The following TMPRSS15 variants were observed in gnomAD, a reference collection of about 807,000 sequenced individuals.
TMPRSS15 encodes the protein enteropeptidase.
Under a neutral mutation model 125.3 loss-of-function variants are expected in TMPRSS15, and 128 were observed. That is an observed-to-expected ratio of 1.02 (90% CI 0.89 to 1.18). The LOEUF is 1.18. Ranked by LOEUF, TMPRSS15 falls within the 50% of genes most tolerant of loss-of-function variation. The pLI is 0.00. For synonymous variants in TMPRSS15, 446 were observed against 423.2 expected (o/e 1.05, Z -0.66); for missense variants, 1,283 against 1,212.7 (o/e 1.06, Z -0.86).
chr21:18,413,297 C>CTTTTTTTCTTTTT (rs1381449777), intron 1 of TMPRSS15, among the ~76,000 whole-genome samples: 1 of 90,202 alleles, frequency 1.1e-5, no homozygotes, highest in African/African-American at 4.4e-5. Context: ...TCTTTCTTTT[C>CTTTTTTTCTTTTT]TTTCTTTTCT....
At chr21:18,296,858 T>C (rs2074913695) in intron 19 of TMPRSS15, among the ~76,000 whole-genome samples, 1 of 152,234 alleles carries the variant, frequency 6.6e-6, no homozygotes, top group African/African-American at 2.4e-5. Context: ...CAAAGTTCTT[T>C]TTTTGGTACT....
At chr21:18,421,917 G>A (rs1177975612) in intron 1 of TMPRSS15, among the ~76,000 whole-genome samples, 1 of 151,982 alleles carries the variant, frequency 6.6e-6, no homozygotes, top group Admixed American at 6.6e-5. Context: ...TGACAGCTTT[G>A]GGCATGGGAC....
intron 3 of TMPRSS15, among the ~76,000 whole-genome samples, chr21:18,387,649 A>G (rs1343672389): frequency 2.1e-5 from 3 of 142,318 alleles, no homozygotes; most frequent in Non-Finnish European, 4.7e-5. Context: ...ACACACACAC[A>G]CGCACACACA....
intron 10 of TMPRSS15, among the ~76,000 whole-genome samples, chr21:18,352,506 A>T (rs1178244713): frequency 1.3e-5 from 2 of 152,052 alleles, no homozygotes; most frequent in Admixed American, 6.6e-5. Context: ...ATATGCAAAA[A>T]TCCATTTTAT....
At chr21:18,425,495 G>A (rs4818410) in intron 1 of TMPRSS15, among the ~76,000 whole-genome samples, 59,455 of 151,808 alleles carry the variant, frequency 0.39, 12,282 homozygotes, top group Middle Eastern at 0.48. Context: ...GACTTCTGTC[G>A]GTCAATTAAA....
At position 18,307,317 on chromosome 21, in the gene TMPRSS15, CT is replaced by C. The variant is rs764825830; in HGVS notation, c.2165+5627del. 1.3e-4 allele frequency among the ~76,000 whole-genome samples: 20 copies of C among 152,044 alleles called. 1 individual carries two copies. The highest frequency in any genetic ancestry group is 2.2e-4 in the Non-Finnish European group (15 of 67,984). On this transcript the variant is annotated intron_variant, in intron 18 of 24. Coordinates refer to ENST00000284885, the MANE Select transcript of TMPRSS15 (RefSeq NM_002772.3). ...GGATGTACTACTTGTGTTACAGACA[CT>C]AAAAAATCTGGTTATTTGTCTCTCT...
intron 1 of TMPRSS15, among the ~76,000 whole-genome samples, chr21:18,460,970 T>A (rs1211671283): frequency 6.6e-6 from 1 of 152,208 alleles, no homozygotes; most frequent in Non-Finnish European, 1.5e-5. Context: ...ATAGTTCACC[T>A]TGAAATCAGC....
chr21:18,365,621 TTTCTTTC>T (rs1483396260), intron 6 of TMPRSS15, among the ~76,000 whole-genome samples: 8 of 10,208 alleles, frequency 7.8e-4, no homozygotes, highest in South Asian at 3.5e-3. Flanking sequence ...CTTTTCTCTC[TTTCTTTC>T]TCTTTCTCTC....
chr21:18,326,649 C>T, intron 15 of TMPRSS15, 77 bp from the exon 16 acceptor site: 5 of 1,567,170 alleles, frequency 3.2e-6, no homozygotes, highest in Non-Finnish European at 4.4e-6. Context: ...CATCTCAGTT[C>T]CCTCTGCCAG....
chr21:18,463,649 C>A (rs1411225334), intron 1 of TMPRSS15, among the ~76,000 whole-genome samples: 1 of 152,102 alleles, frequency 6.6e-6, no homozygotes, highest in African/African-American at 2.4e-5. Flanking sequence ...AATATACATT[C>A]CTCTCAGCAC....
chr21:18,483,011 C>T (rs913266578), intron 1 of TMPRSS15, among the ~76,000 whole-genome samples: 1 of 151,596 alleles, frequency 6.6e-6, no homozygotes, highest in Non-Finnish European at 1.5e-5. Flanking sequence ...AGGTGCAAGG[C>T]TTATTCTTTC....
At chr21:18,436,642 A>G (rs1376837570) in intron 1 of TMPRSS15, among the ~76,000 whole-genome samples, 6 of 151,160 alleles carry the variant, frequency 4.0e-5, no homozygotes, top group Non-Finnish European at 8.8e-5. Context: ...CTTACACACC[A>G]ATAACAGACA....
At chr21:18,374,584 C>A (rs1329587468) in intron 5 of TMPRSS15, among the ~76,000 whole-genome samples, 1 of 150,244 alleles carries the variant, frequency 6.7e-6, no homozygotes, top group Non-Finnish European at 1.5e-5. Context: ...AGTAGGAAGG[C>A]AGTTTGGTAC....
In TMPRSS15 at chr21:18,270,026, G is replaced by A. The variant is rs544542006; in HGVS notation, c.3003C>T (p.Pro1001=). The A allele has an allele frequency of 1.7e-5, 28 of 1,613,866 alleles. No homozygotes were observed. The East Asian group carries it at 2.9e-4, about 17-fold the overall frequency. ...FGYKCALPNR[P]GVYARVSRFT... The stretch of plus-strand genomic sequence containing the variant: ...ACCTTGAGACCCTGGCATACACTCC[G>A]GGGCGATTAGGCAGGGCACACTTGT... Residue 1001 remains proline, a synonymous_variant, in exon 25 of 25, where the codon CCC becomes CCT. Coordinates refer to ENST00000284885, the MANE Select transcript of TMPRSS15 (RefSeq NM_002772.3).
At chr21:18,448,960 T>C (rs2076261566) in intron 1 of TMPRSS15, among the ~76,000 whole-genome samples, 1 of 152,158 alleles carries the variant, frequency 6.6e-6, no homozygotes. Context: ...AACTGGGTCT[T>C]AAAATAAATC....
Position 18,352,892 on chromosome 21 carries a change from A to G in TMPRSS15, c.1171+11T>C, listed in dbSNP as rs2075584471. The G allele has an allele frequency of 1.9e-6, 3 of 1,611,630 alleles. No homozygotes were observed. The highest frequency in any genetic ancestry group is 2.5e-6 in the Non-Finnish European group (3 of 1,178,260). On this transcript the variant is annotated intron_variant, in intron 10 of 24. Coordinates refer to ENST00000284885, the MANE Select transcript of TMPRSS15 (RefSeq NM_002772.3). ...AAAATCCTTTTGACTTCTGAATTAA[A>G]TGAATTATACCTGAAGCATTGCCAA...
At chr21:18,434,401 G>A (rs2076223519) in intron 1 of TMPRSS15, among the ~76,000 whole-genome samples, 1 of 152,010 alleles carries the variant, frequency 6.6e-6, no homozygotes, top group South Asian at 2.1e-4. Context: ...GAATCAGAGA[G>A]CTAAATATTC....
At chr21:18,462,008 G>A (rs189380781) in intron 1 of TMPRSS15, among the ~76,000 whole-genome samples, 53 of 152,128 alleles carry the variant, frequency 3.5e-4, no homozygotes, top group East Asian at 2.5e-3. Flanking sequence ...TATTCTTCAC[G>A]TGATGATGAT....
intron 1 of TMPRSS15, among the ~76,000 whole-genome samples, chr21:18,447,315 C>T (rs1026302470): frequency 6.6e-6 from 1 of 151,284 alleles, no homozygotes; most frequent in Non-Finnish European, 1.5e-5. Context: ...TGGTGGGTGC[C>T]TATAACCTCA....
Sources: gnomAD v4.1 joint callset for allele counts (sites outside exome capture counted in the v4.1 genomes callset) on GRCh38, gnomAD v4.1.1 for gene constraint, MANE v1.5 for transcripts, NCBI Gene and HGNC (gene_info 2026-07-23, HGNC 2026-07-21) for gene names.